The following PARP8 variants were observed in gnomAD, a reference collection of about 807,000 sequenced individuals.
The protein encoded by PARP8 is poly(ADP-ribose) polymerase family member 8, also known as protein mono-ADP-ribosyltransferase PARP8.
Under a neutral mutation model 124.1 loss-of-function variants are expected in PARP8, and 51 were observed. That is an observed-to-expected ratio of 0.41 (90% CI 0.33 to 0.52). The LOEUF is 0.52. PARP8 is among the 20% of genes least tolerant of loss of function. The pLI, the probability that PARP8 is intolerant of heterozygous loss-of-function variation, is 0.21. For missense variants in PARP8, 860 were observed against 1,018.9 expected (o/e 0.84, Z 2.12); for synonymous variants, 391 against 361.5 (o/e 1.08, Z -0.93).
At chr5:50,720,759 A>G (rs1755794016) in intron 2 of PARP8, among the ~76,000 whole-genome samples, 1 of 149,360 alleles carries the variant, frequency 6.7e-6, no homozygotes, top group African/African-American at 2.5e-5. Context: ...ACGCCACAAA[A>G]GCCTGCTTTT....
chr5:50,732,912 C>T (rs1757114582), intron 2 of PARP8, among the ~76,000 whole-genome samples: 1 of 151,886 alleles, frequency 6.6e-6, no homozygotes, highest in African/African-American at 2.4e-5. Context: ...GCCACCGCGA[C>T]CAGCCGTATC....
chr5:50,803,074 G>C (rs542806817), intron 14 of PARP8, among the ~76,000 whole-genome samples: 2 of 152,104 alleles, frequency 1.3e-5, no homozygotes, highest in African/African-American at 4.8e-5. Context: ...AGTTATGCTG[G>C]GTATAGAATT....
chr5:50,756,871 A>G (rs1263696244), intron 3 of PARP8, among the ~76,000 whole-genome samples: 2 of 152,138 alleles, frequency 1.3e-5, no homozygotes, highest in Non-Finnish European at 2.9e-5. Flanking sequence ...TTCTCTGCTT[A>G]TACTAGTTCA....
At chr5:50,715,691 A>T (rs1300012272) in intron 2 of PARP8, among the ~76,000 whole-genome samples, 1 of 152,078 alleles carries the variant, frequency 6.6e-6, no homozygotes, top group African/African-American at 2.4e-5. Context: ...GAATATAAAA[A>T]ACTTTAGTGT....
In PARP8 at chr5:50,841,961, T is replaced by A; in HGVS notation, c.2463-5T>A. On this transcript the variant is annotated splice_region_variant and splice_polypyrimidine_tract_variant and intron_variant, in intron 25 of 25. Transcript: ENST00000281631. ...GTTTTTATATTTTTATGTTTTGTAT[T>A]TCAGCTATGAAGACGGCCAAGTGGG... The A allele has an allele frequency of 6.4e-7, 1 of 1,568,588 alleles. No homozygotes were observed. Among genetic ancestry groups the A allele is most frequent in the Non-Finnish European group, 8.7e-7 (1 of 1,148,914 alleles).
intron 2 of PARP8, among the ~76,000 whole-genome samples, chr5:50,677,827 A>G (rs1750810878): frequency 6.6e-6 from 1 of 152,130 alleles, no homozygotes; most frequent in African/African-American, 2.4e-5. Flanking sequence ...TGACATTGCC[A>G]GCCTCTGGGT....
At chr5:50,813,015 A>G (rs1744648038) in intron 14 of PARP8, among the ~76,000 whole-genome samples, 1 of 152,160 alleles carries the variant, frequency 6.6e-6, no homozygotes, top group African/African-American at 2.4e-5. Flanking sequence ...TATAGTTTGA[A>G]GTCAGGTAGC....
At chr5:50,738,156 A>G (rs1757665417) in intron 2 of PARP8, among the ~76,000 whole-genome samples, 1 of 152,226 alleles carries the variant, frequency 6.6e-6, no homozygotes, top group Non-Finnish European at 1.5e-5. Context: ...GGGCTTTCCA[A>G]ATGTAGCTTT....
intron 2 of PARP8, among the ~76,000 whole-genome samples, chr5:50,688,702 T>C (rs1244527615): frequency 2.6e-5 from 4 of 152,232 alleles, no homozygotes; most frequent in African/African-American, 9.6e-5. Flanking sequence ...TTAACATTAA[T>C]ATAAAACCTA....
At chr5:50,687,456 G>A (rs555981260) in intron 2 of PARP8, among the ~76,000 whole-genome samples, 30 of 151,844 alleles carry the variant, frequency 2.0e-4, no homozygotes, top group East Asian at 3.9e-4. Context: ...CCTCCAAACC[G>A]TTCCAGCCTC....
intron 9 of PARP8, among the ~76,000 whole-genome samples, chr5:50,785,404 A>G (rs1339000036): frequency 6.6e-6 from 1 of 152,138 alleles, no homozygotes; most frequent in East Asian, 1.9e-4. Flanking sequence ...CGGTAAAGGC[A>G]TTAGTTCTAG....
At chr5:50,784,365 A>C (rs1741004151) in intron 9 of PARP8, among the ~76,000 whole-genome samples, 1 of 152,182 alleles carries the variant, frequency 6.6e-6, no homozygotes, top group Non-Finnish European at 1.5e-5. Context: ...GCTTTAAATA[A>C]AGATATGATA....
At position 50,761,895 on chromosome 5, in the gene PARP8, G is replaced by T. The variant is rs282547; in HGVS notation, c.420G>T (p.Gly140=). 0.068 allele frequency: 108,277 copies of T among 1,586,910 alleles called. 4,691 individuals carry two copies. Among genetic ancestry groups the T allele is most frequent in the South Asian group, 0.18 (16,087 of 89,254 alleles). Residue 140 remains glycine (G), a synonymous_variant, in exon 6 of 26, where the codon GGG becomes GGT. Transcript: ENST00000281631. ...DNDSEEFYYG[G]QVNYDGELHK... ...ATTCCGAAGAATTTTATTACGGAGG[G>T]CAGGTAAGGAAACCTGGTCTTCCAA...
intron 2 of PARP8, among the ~76,000 whole-genome samples, chr5:50,730,897 G>A (rs1463376158): frequency 6.6e-6 from 1 of 152,218 alleles, no homozygotes; most frequent in Non-Finnish European, 1.5e-5. Flanking sequence ...AGGAAGTAAT[G>A]TGCAAGGGCA....
intron 14 of PARP8, among the ~76,000 whole-genome samples, chr5:50,797,805 T>C (rs1473563975): frequency 6.6e-6 from 1 of 152,236 alleles, no homozygotes; most frequent in African/African-American, 2.4e-5. Flanking sequence ...TTTTTTGGAA[T>C]TTTTATTGCT....
At chr5:50,766,960 G>C (rs1183207791) in intron 7 of PARP8, among the ~76,000 whole-genome samples, 1 of 152,158 alleles carries the variant, frequency 6.6e-6, no homozygotes, top group Non-Finnish European at 1.5e-5. Flanking sequence ...TGGCCAGTAG[G>C]ACTGCTTACA....
rs545929057 is a variant in PARP8, at chr5:50,754,495, C to G, written c.184+4307C>G. Among the ~76,000 whole-genome samples, 49 of 152,056 alleles carry G rather than the reference C, an allele frequency of 3.2e-4. 1 individual carries two copies. In the East Asian group the frequency reaches 7.0e-3, roughly 22 times the overall value. ...GATGGTTTCCAGCTTCATCCATGTC[C>G]CTACAAAGGACATGAACTCATCATT... is the stretch of plus-strand genomic sequence containing the variant. On this transcript the variant is annotated intron_variant, in intron 3 of 25. Coordinates refer to ENST00000281631, the MANE Select transcript of PARP8 (RefSeq NM_024615.4).
intron 2 of PARP8, among the ~76,000 whole-genome samples, chr5:50,730,063 G>A (rs1334328380): frequency 1.3e-5 from 2 of 152,108 alleles, no homozygotes; most frequent in African/African-American, 4.8e-5. Context: ...TTTTGCTTGT[G>A]TACTACTAAT....
At position 50,843,388 on chromosome 5, in the gene PARP8, A is replaced by G. The variant is rs2149738207; in HGVS notation, c.*1320A>G. The G allele has an allele frequency of 6.6e-6, 1 of 151,920 alleles. No individual in the cohort carries two copies. The highest frequency in any genetic ancestry group is 1.9e-4 in the East Asian group (1 of 5,162). The allele number at this position is 151,920 out of a possible 1,614,324, so 9.4% of individuals were successfully genotyped here. A position where few individuals can be genotyped will look rare whatever the true frequency, so the allele number is the denominator to read the frequency against. Reference sequence around the variant, plus strand: ...TTAATTTATGTAAAAAAAAATAAAAATGTATAGTCATTTGCAAGTATAATG... The same window carrying G: ...TTAATTTATGTAAAAAAAAATAAAAGTGTATAGTCATTTGCAAGTATAATG... On this transcript the variant is annotated 3_prime_UTR_variant, in exon 26 of 26. Transcript: ENST00000281631.
Sources: allele counts gnomAD v4.1 joint callset (sites outside exome capture counted in the v4.1 genomes callset), GRCh38; gene constraint gnomAD v4.1.1; transcripts MANE v1.5; gene names NCBI Gene and HGNC (gene_info 2026-07-23, HGNC 2026-07-21).